Variants in CACNA1E observed in about 807,000 individuals in gnomAD.
CACNA1E encodes calcium voltage-gated channel subunit alpha1 E.
A neutral mutation model predicts 259.2 loss-of-function variants in CACNA1E; 40 were observed. The observed-to-expected ratio is 0.15, with a 90% CI of 0.12 to 0.20. The LOEUF (loss-of-function observed/expected upper bound fraction) is 0.20. CACNA1E is among the 10% of genes least tolerant of loss of function. The pLI, the probability that CACNA1E is intolerant of heterozygous loss-of-function variation, is 1.00. For missense variants in CACNA1E, 1,874 were observed against 3,040.1 expected (o/e 0.62, Z 9.02); for synonymous variants, 1,104 against 1,138.5 (o/e 0.97, Z 0.61).
intron 6 of CACNA1E, among the ~76,000 whole-genome samples, chr1:181,628,538 A>T (rs763100929): frequency 2.6e-4 from 40 of 152,200 alleles, no homozygotes; most frequent in Non-Finnish European, 1.2e-4. Context: ...TGATGTCAAG[A>T]TTAACTCAGA....
intron 1 of CACNA1E, among the ~76,000 whole-genome samples, chr1:181,383,113 T>C (rs920356604): frequency 6.6e-6 from 1 of 152,214 alleles, no homozygotes; most frequent in Non-Finnish European, 1.5e-5. Context: ...TTTCTCTGCT[T>C]TCCCCCCGGG....
chr1:181,732,544 C>T lies in CACNA1E; in HGVS notation c.2458C>T (p.Leu820Phe). 6.5e-7 allele frequency: 1 copy of T among 1,550,116 alleles called. No homozygotes were observed. Among genetic ancestry groups the T allele is most frequent in the African/African-American group, 1.4e-5 (1 of 73,124 alleles). Reference protein sequence around the residue: ...PLNPLSSLNPLNAHPSLYRRP... With the variant: ...PLNPLSSLNPFNAHPSLYRRP... ...CAACCCGCTCAGCTCCCTCAACCCG[C>T]TCAATGCCCACCCCAGCCTTTATCG... is the stretch of plus-strand genomic sequence containing the variant. Residue 820 changes from leucine to phenylalanine, a missense_variant, in exon 20 of 48, where the codon CTC becomes TTC. Physicochemically the swap from Leu to Phe is conservative, Grantham distance 22. Around this residue, in one of 14 missense-constraint regions of CACNA1E, gnomAD observed 476 missense variants for 514.0 expected, o/e 0.93. Transcript: ENST00000367573. This position sits in a 1 kb window ranked among gnomAD's most constrained non-coding sequence, Gnocchi z 5.5.
At chr1:181,532,799 T>C (rs1667882824) in intron 3 of CACNA1E, among the ~76,000 whole-genome samples, 1 of 152,272 alleles carries the variant, frequency 6.6e-6, no homozygotes, top group Admixed American at 6.5e-5. Context: ...CTTTTTTCTT[T>C]GGATCTTCTC....
chr1:181,667,219 A>G lies in CACNA1E; in HGVS notation c.1055+15778A>G, dbSNP rs1433851960. Among the ~76,000 whole-genome samples, 4 of 152,174 alleles carry G rather than the reference A, an allele frequency of 2.6e-5. No homozygotes were observed. The East Asian group carries it at 7.7e-4, about 29-fold the overall frequency. ...TTGTAATAAAGCTCTAGTTCCAGAC[A>G]GAAAATGAGGATTTCAAGCACTGAT... is the stretch of plus-strand genomic sequence containing the variant. On this transcript the variant is annotated intron_variant, in intron 7 of 47. Coordinates refer to ENST00000367573, the MANE Select transcript of CACNA1E (RefSeq NM_001205293.3).
intron 3 of CACNA1E, among the ~76,000 whole-genome samples, chr1:181,523,257 C>T (rs1454327198): frequency 6.6e-6 from 1 of 152,202 alleles, no homozygotes; most frequent in Non-Finnish European, 1.5e-5. Flanking sequence ...TCCACTCCCC[C>T]CAGCTGTGAC....
chr1:181,696,067 TACAATATAAAA>T (rs1351942362), intron 7 of CACNA1E, among the ~76,000 whole-genome samples: 2 of 152,178 alleles, frequency 1.3e-5, no homozygotes, highest in Non-Finnish European at 2.9e-5. Flanking sequence ...TTGGACAGAA[TACAATATAAAA>T]AGCATAAACA....
intron 1 of CACNA1E, among the ~76,000 whole-genome samples, chr1:181,346,794 A>G (rs1273141201): frequency 6.6e-6 from 1 of 152,120 alleles, no homozygotes; most frequent in Non-Finnish European, 1.5e-5. Context: ...ACCTGGCATC[A>G]AGCCTCCCTG....
chr1:181,790,490 G>A lies in CACNA1E; in HGVS notation c.5832G>A (p.Gln1944=), dbSNP rs1197448909. 3.1e-6 allele frequency: 5 copies of A among 1,613,684 alleles called. No homozygotes were observed. The African/African-American group carries it at 5.3e-5, about 17-fold the overall frequency. Residue 1944 remains glutamine, a synonymous_variant, in exon 44 of 48, where the codon CAG becomes CAA. Transcript: ENST00000367573. ...CTTCGATGAGTCCACTCTCTCCCCA[G>A]GATATATTCCAGTTGGCTTGTATGG... ...GYPSMSPLSP[Q]DIFQLACMDP...
chr1:181,790,706 T>C, intron 44 of CACNA1E, 150 bp downstream of exon 44: 2 of 628,280 alleles, frequency 3.2e-6, no homozygotes, highest in East Asian at 5.6e-5. Context: ...AGCCCTTTTC[T>C]AGCCCAGTTT....
At chr1:181,323,494 CA>C (rs1350229495) in intron 1 of CACNA1E, among the ~76,000 whole-genome samples, 6 of 152,182 alleles carry the variant, frequency 3.9e-5, no homozygotes, top group African/African-American at 1.2e-4. Flanking sequence ...ATGTTAGGAT[CA>C]TTGACTGTCA....
intron 7 of CACNA1E, among the ~76,000 whole-genome samples, chr1:181,666,589 G>A (rs1175252223): frequency 6.6e-6 from 1 of 151,972 alleles, no homozygotes; most frequent in Non-Finnish European, 1.5e-5. Context: ...TATAAGAGTA[G>A]CCAAGACATT....
At chr1:181,625,676 C>A (rs1656133615) in intron 6 of CACNA1E, among the ~76,000 whole-genome samples, 1 of 152,194 alleles carries the variant, frequency 6.6e-6, no homozygotes, top group Non-Finnish European at 1.5e-5. Flanking sequence ...ATCTTCCATC[C>A]AGACCACTCA....
intron 6 of CACNA1E, among the ~76,000 whole-genome samples, chr1:181,626,264 A>C (rs1396494480): frequency 2.6e-5 from 4 of 152,248 alleles, no homozygotes; most frequent in Non-Finnish European, 5.9e-5. Context: ...CCATAGTCTT[A>C]TTAGACTCAG....
intron 3 of CACNA1E, among the ~76,000 whole-genome samples, chr1:181,525,054 A>G (rs1055120829): frequency 6.6e-6 from 1 of 152,276 alleles, no homozygotes; most frequent in Non-Finnish European, 1.5e-5. Flanking sequence ...ATAAATAATA[A>G]GATACCTGCC....
At chr1:181,593,028 T>C (rs1652811323) in intron 6 of CACNA1E, among the ~76,000 whole-genome samples, 1 of 152,180 alleles carries the variant, frequency 6.6e-6, no homozygotes, top group Non-Finnish European at 1.5e-5. Flanking sequence ...ATTGAATAGA[T>C]GAATAAATAA....
At chr1:181,765,497 G>A (rs527757929) in intron 34 of CACNA1E, among the ~76,000 whole-genome samples, 13 of 152,124 alleles carry the variant, frequency 8.5e-5, no homozygotes, top group Non-Finnish European at 1.9e-4. Flanking sequence ...ATTGGAGAGG[G>A]AATTCTCCCA....
In CACNA1E at chr1:181,732,513, C is replaced by T. The variant is rs1417984908; in HGVS notation, c.2427C>T (p.Asn809=). The T allele has an allele frequency of 3.4e-5, 53 of 1,551,342 alleles. No individual in the cohort carries two copies. The highest frequency in any genetic ancestry group is 4.3e-5 in the Non-Finnish European group (49 of 1,146,842). The part of the protein sequence containing the change: ...REEAPTMNPL[N]PLNPLSSLNP... ...AGGCGCCGACCATGAACCCGCTCAA[C>T]CCCCTCAACCCGCTCAGCTCCCTCA... The change falls in exon 20 of 48, where the codon AAC becomes AAT. Residue 809 remains asparagine, a synonymous_variant. Transcript: ENST00000367573. This position sits in a 1 kb window ranked among gnomAD's most constrained non-coding sequence, Gnocchi z 5.5.
At chr1:181,559,211 A>T (rs1242144713) in intron 3 of CACNA1E, among the ~76,000 whole-genome samples, 2 of 152,192 alleles carry the variant, frequency 1.3e-5, no homozygotes, top group African/African-American at 2.4e-5. Flanking sequence ...CTAGGGAGCT[A>T]TAAGCAAATT....
rs111599511 is a variant in CACNA1E, at chr1:181,609,740, G to A, written c.951+28964G>A. Among the ~76,000 whole-genome samples, 531 of 152,308 alleles carry A rather than the reference G, an allele frequency of 3.5e-3. 3 individuals carry two copies. The highest frequency in any genetic ancestry group is 0.012 in the African/African-American group (513 of 41,570). On this transcript the variant is annotated intron_variant, in intron 6 of 47. Coordinates refer to ENST00000367573, the MANE Select transcript of CACNA1E (RefSeq NM_001205293.3). ...ATTATCTTATTCTCACAGCAGTTGTGTGAGCTAGAACTCTATTTTCTATGA... is the reference window on the plus strand; with the variant it reads ...ATTATCTTATTCTCACAGCAGTTGTATGAGCTAGAACTCTATTTTCTATGA...
Sources: gnomAD v4.1 joint callset for allele counts (sites outside exome capture counted in the v4.1 genomes callset) on GRCh38, gnomAD v4.1.1 for gene constraint, gnomAD v4.1.1 regional missense constraint, Gnocchi (gnomAD v3.1) non-coding constraint, MANE v1.5 for transcripts, NCBI Gene and HGNC (gene_info 2026-07-23, HGNC 2026-07-21) for gene names.